The following FRMD4A variants were observed in gnomAD, a reference collection of about 807,000 sequenced individuals.
The protein encoded by FRMD4A is FERM domain containing 4A, also known as FERM domain-containing protein 4A.
In FRMD4A, 29 loss-of-function variants were observed where a neutral mutation model predicts 129.1. The ratio of observed to expected loss-of-function variants is 0.22; its 90% CI spans 0.17 to 0.31. The LOEUF (loss-of-function observed/expected upper bound fraction) is 0.31. Ranked by LOEUF, FRMD4A falls within the 10% of genes least tolerant of loss-of-function variation. The probability of loss-of-function intolerance (pLI) is 1.00; values close to 1 mark genes in which losing one functional copy is unlikely to be tolerated. For synonymous variants in FRMD4A, 634 were observed against 571.6 expected (o/e 1.11, Z -1.56); for missense variants, 1,272 against 1,375.8 (o/e 0.92, Z 1.19).
intron 2 of FRMD4A, among the ~76,000 whole-genome samples, chr10:14,094,950 T>C (rs1250553467): frequency 6.6e-6 from 1 of 152,080 alleles, no homozygotes; most frequent in Non-Finnish European, 1.5e-5. Context: ...TATGTGGGTG[T>C]GTGTCAACCA....
intron 2 of FRMD4A, among the ~76,000 whole-genome samples, chr10:14,089,727 G>T (rs1352491694): frequency 6.6e-6 from 1 of 151,602 alleles, no homozygotes; most frequent in East Asian, 1.9e-4. Flanking sequence ...ATACCTCCCC[G>T]GCCCGTAGAG....
At chr10:14,321,346 A>AAT (rs1473443900) in intron 2 of FRMD4A, among the ~76,000 whole-genome samples, 3 of 150,072 alleles carry the variant, frequency 2.0e-5, no homozygotes, top group East Asian at 1.9e-4. Context: ...TATATGAATG[A>AAT]ATATATATAT....
intron 2 of FRMD4A, among the ~76,000 whole-genome samples, chr10:13,989,693 A>AG (rs1371132702): frequency 1.3e-5 from 2 of 152,126 alleles, no homozygotes; most frequent in Non-Finnish European, 2.9e-5. Flanking sequence ...TGGGCATCAG[A>AG]GGGGAAATGG....
chr10:13,794,568 T>G (rs922326075), intron 5 of FRMD4A, among the ~76,000 whole-genome samples: 2 of 152,016 alleles, frequency 1.3e-5, no homozygotes, highest in African/African-American at 4.8e-5. Flanking sequence ...TTTGAAGTAC[T>G]CAGGTGGGGC....
chr10:14,237,874 G>A (rs1182520731), intron 2 of FRMD4A, among the ~76,000 whole-genome samples: 4 of 152,176 alleles, frequency 2.6e-5, no homozygotes, highest in African/African-American at 9.7e-5. Context: ...GTCCTCCTCG[G>A]CCAGCTTCTC....
intron 19 of FRMD4A, among the ~76,000 whole-genome samples, chr10:13,663,189 CAA>C (rs35995959): frequency 2.4e-3 from 316 of 131,008 alleles, no homozygotes; most frequent in Middle Eastern, 4.0e-3. Flanking sequence ...GACCCTGTCT[CAA>C]AAAAAAAAAA....
intron 2 of FRMD4A, among the ~76,000 whole-genome samples, chr10:14,073,292 C>T (rs1054151557): frequency 2.6e-5 from 4 of 151,962 alleles, no homozygotes; most frequent in African/African-American, 9.7e-5. Context: ...GTTAATGGAG[C>T]TGAAGGGAGG....
At chr10:13,963,358 A>G (rs2095459762) in intron 2 of FRMD4A, among the ~76,000 whole-genome samples, 1 of 150,606 alleles carries the variant, frequency 6.6e-6, no homozygotes, top group Non-Finnish European at 1.5e-5. Context: ...ACTAAATAAT[A>G]TGCAGGGCAT....
intron 4 of FRMD4A, among the ~76,000 whole-genome samples, chr10:13,801,442 G>A (rs778876036): frequency 1.3e-5 from 2 of 152,190 alleles, no homozygotes; most frequent in Non-Finnish European, 1.5e-5. Context: ...ATGGCCTTGC[G>A]TAGCTCCAGT....
chr10:14,042,368 C>A (rs1443873624), intron 2 of FRMD4A, among the ~76,000 whole-genome samples: 2 of 152,152 alleles, frequency 1.3e-5, no homozygotes, highest in African/African-American at 4.8e-5. Context: ...AGGACAAATA[C>A]AGAATGTGAG....
intron 2 of FRMD4A, among the ~76,000 whole-genome samples, chr10:14,064,303 C>T (rs1834953656): frequency 6.6e-6 from 1 of 152,236 alleles, no homozygotes. Context: ...CCCAGTTGCA[C>T]TTTTCCTTCT....
intron 3 of FRMD4A, among the ~76,000 whole-genome samples, chr10:13,838,756 G>C (rs2093916695): frequency 6.6e-6 from 1 of 152,080 alleles, no homozygotes; most frequent in Non-Finnish European, 1.5e-5. Flanking sequence ...GCCTCCCAAA[G>C]TGCTGAGATT....
chr10:14,059,646 C>A (rs947899063), intron 2 of FRMD4A, among the ~76,000 whole-genome samples: 1 of 152,192 alleles, frequency 6.6e-6, no homozygotes, highest in African/African-American at 2.4e-5. Flanking sequence ...GTTTAGGCCA[C>A]CCAGTCTGCT....
At chr10:14,159,142 C>G (rs1840752605) in intron 2 of FRMD4A, among the ~76,000 whole-genome samples, 2 of 152,120 alleles carry the variant, frequency 1.3e-5, no homozygotes, top group Admixed American at 6.5e-5. Context: ...GTCTCTGGAA[C>G]AATCAGGGAT....
intron 2 of FRMD4A, among the ~76,000 whole-genome samples, chr10:14,026,456 C>T (rs572194005): frequency 1.8e-4 from 27 of 152,204 alleles, no homozygotes; most frequent in Admixed American, 6.5e-5. Context: ...GCATGTTCTT[C>T]GAGTTATGGT....
chr10:14,109,560 A>G (rs1837770786), intron 2 of FRMD4A, among the ~76,000 whole-genome samples: 1 of 152,250 alleles, frequency 6.6e-6, no homozygotes, highest in Admixed American at 6.5e-5. Context: ...AACAAAATAC[A>G]TAATCCAGTG....
At chr10:14,213,080 T>A (rs1842976086) in intron 2 of FRMD4A, among the ~76,000 whole-genome samples, 1 of 151,936 alleles carries the variant, frequency 6.6e-6, no homozygotes, top group African/African-American at 2.4e-5. Flanking sequence ...TTACAAAAAA[T>A]TTGAAAATTA....
At chr10:14,036,530 T>C (rs1188295036) in intron 2 of FRMD4A, among the ~76,000 whole-genome samples, 2 of 152,174 alleles carry the variant, frequency 1.3e-5, no homozygotes, top group African/African-American at 4.8e-5. Context: ...TTGCTTGCAT[T>C]TGTACTTTCT....
intron 2 of FRMD4A, among the ~76,000 whole-genome samples, chr10:14,305,118 A>G (rs940474458): frequency 2.6e-5 from 4 of 152,192 alleles, no homozygotes; most frequent in African/African-American, 9.7e-5. Context: ...TGCCTCTTTC[A>G]GCTACCAATA....
Sources: gnomAD v4.1 joint callset for allele counts (sites outside exome capture counted in the v4.1 genomes callset) on GRCh38, gnomAD v4.1.1 for gene constraint, MANE v1.5 for transcripts, NCBI Gene and HGNC (gene_info 2026-07-23, HGNC 2026-07-21) for gene names.